Variants in CDH2 observed in about 807,000 individuals in gnomAD.
The protein encoded by CDH2 is cadherin 2, also known as cadherin-2.
A neutral mutation model predicts 92.0 loss-of-function variants in CDH2; 17 were observed. That is an observed-to-expected ratio of 0.18 (90% confidence interval 0.13 to 0.28). CDH2 has a LOEUF of 0.28. CDH2 is among the 10% of genes least tolerant of loss of function. The pLI, the probability that CDH2 is intolerant of heterozygous loss-of-function variation, is 1.00. For missense variants in CDH2, 862 were observed against 1,133.1 expected (o/e 0.76, Z 3.44); for synonymous variants, 419 against 415.9 (o/e 1.01, Z -0.09).
Position 27,951,781 on chromosome 18 carries a change from T to A in CDH2, c.*372A>T, listed in dbSNP as rs199825529. 1 of 180,290 alleles carries A rather than the reference T, an allele frequency of 5.5e-6. No individual in the cohort carries two copies. The highest frequency in any genetic ancestry group is 1.3e-4 in the South Asian group (1 of 7,420). The allele number at this position is 180,290 out of a possible 1,614,324, so 11.2% of individuals were successfully genotyped here. ...CAAATGCAATGTAACAAAAGCGTGT[T>A]GAAGCATATCATGGTTTAACTTACT... On this transcript the variant is annotated 3_prime_UTR_variant, in exon 16 of 16. Coordinates refer to ENST00000269141, the MANE Select transcript of CDH2 (RefSeq NM_001792.5).
At chr18:27,978,401 C>T (rs139984334) in intron 14 of CDH2, among the ~76,000 whole-genome samples, 1 of 152,256 alleles carries the variant, frequency 6.6e-6, no homozygotes, top group East Asian at 1.9e-4. Context: ...ACCCACAAAG[C>T]CGCACACACA....
chr18:28,027,685 T>TAC (rs2013591405), intron 2 of CDH2, among the ~76,000 whole-genome samples: 1 of 152,170 alleles, frequency 6.6e-6, no homozygotes. Flanking sequence ...CTCCCTTGTA[T>TAC]ACATTCTAAT....
intron 2 of CDH2, among the ~76,000 whole-genome samples, chr18:28,115,816 G>A (rs1429877432): frequency 3.3e-5 from 5 of 152,024 alleles, no homozygotes; most frequent in African/African-American, 1.2e-4. Context: ...ATGCTGTTCT[G>A]AATTTTTCAA....
intron 1 of CDH2, among the ~76,000 whole-genome samples, chr18:28,153,480 T>G (rs986778865): frequency 6.6e-6 from 1 of 152,216 alleles, no homozygotes; most frequent in Non-Finnish European, 1.5e-5. Context: ...GCTACTTAGA[T>G]GCTAAAAACA....
intron 2 of CDH2, among the ~76,000 whole-genome samples, chr18:28,137,947 T>C (rs2015891429): frequency 1.3e-5 from 2 of 152,054 alleles, no homozygotes; most frequent in South Asian, 2.1e-4. Context: ...AATTAAAATA[T>C]AGTCTTAACA....
intron 1 of CDH2, among the ~76,000 whole-genome samples, chr18:28,153,025 C>G (rs1453479678): frequency 1.3e-5 from 2 of 152,068 alleles, no homozygotes; most frequent in Non-Finnish European, 2.9e-5. Flanking sequence ...AATTGCAAAA[C>G]TATAATGTCA....
chr18:28,100,808 T>C (rs1290503772), intron 2 of CDH2, among the ~76,000 whole-genome samples: 1 of 152,196 alleles, frequency 6.6e-6, no homozygotes, highest in Non-Finnish European at 1.5e-5. Flanking sequence ...AATAGAATCT[T>C]CACAGTTATT....
At chr18:28,145,061 CAA>C (rs1036956426) in intron 2 of CDH2, among the ~76,000 whole-genome samples, 10 of 151,974 alleles carry the variant, frequency 6.6e-5, no homozygotes, top group African/African-American at 2.4e-4. Context: ...AGCATTTTTG[CAA>C]AGATTATGTT....
At chr18:28,106,473 G>GTTTTTTTTTT (rs34443556) in intron 2 of CDH2, among the ~76,000 whole-genome samples, 1 of 146,788 alleles carries the variant, frequency 6.8e-6, no homozygotes, top group Non-Finnish European at 1.5e-5. Flanking sequence ...ACTTACCAGA[G>GTTTTTTTTTT]TTTTTTTTTT....
chr18:28,164,893 C>G (rs2016356354), intron 1 of CDH2, among the ~76,000 whole-genome samples: 2 of 152,168 alleles, frequency 1.3e-5, no homozygotes, highest in Non-Finnish European at 2.9e-5. Context: ...GCCTAGATAA[C>G]ATCTGTTAAA....
At chr18:28,088,616 C>T (rs1001396677) in intron 2 of CDH2, among the ~76,000 whole-genome samples, 10 of 151,994 alleles carry the variant, frequency 6.6e-5, no homozygotes, top group African/African-American at 1.7e-4. Flanking sequence ...TAAGTCTGTC[C>T]GAGAGGCATC....
intron 2 of CDH2, among the ~76,000 whole-genome samples, chr18:28,046,481 A>G (rs764835433): frequency 1.3e-5 from 2 of 152,194 alleles, no homozygotes; most frequent in Non-Finnish European, 2.9e-5. Context: ...ATTTTTTGGC[A>G]TAAAGTGATG....
chr18:28,158,419 G>A (rs535360239), intron 1 of CDH2, among the ~76,000 whole-genome samples: 18 of 152,298 alleles, frequency 1.2e-4, no homozygotes, highest in African/African-American at 4.1e-4. Flanking sequence ...CAAGGGTGAA[G>A]GACAAGCATT....
In CDH2 at chr18:28,003,147, T is replaced by C; in HGVS notation, c.870A>G (p.Thr290=). 1 of 1,614,004 alleles carries C rather than the reference T, an allele frequency of 6.2e-7. No individual in the cohort carries two copies. Among genetic ancestry groups the C allele is most frequent in the Non-Finnish European group, 8.5e-7 (1 of 1,179,894 alleles). Residue 290 remains threonine, a synonymous_variant, in exon 7 of 16, where the codon ACA becomes ACG. Coordinates refer to ENST00000269141, the MANE Select transcript of CDH2 (RefSeq NM_001792.5). Reference sequence around the variant, plus strand: ...CATTGGGATCGTCAGCATCAATTGCTGTTACGGTCATCACATATGTTCCTA... The same window carrying C: ...CATTGGGATCGTCAGCATCAATTGCCGTTACGGTCATCACATATGTTCCTA... The part of the protein sequence containing the change: ...SKPGTYVMTV[T]AIDADDPNAL...
chr18:27,981,724 A>T (rs941493185), intron 14 of CDH2, among the ~76,000 whole-genome samples: 6 of 152,222 alleles, frequency 3.9e-5, no homozygotes, highest in Admixed American at 3.9e-4. Context: ...CAAGGGAAAA[A>T]TATGTTCATG....
At chr18:28,118,927 G>A (rs536922788) in intron 2 of CDH2, among the ~76,000 whole-genome samples, 1 of 151,942 alleles carries the variant, frequency 6.6e-6, no homozygotes, top group Non-Finnish European at 1.5e-5. Context: ...TCCAAATCCT[G>A]AAAAATCTCT....
intron 2 of CDH2, among the ~76,000 whole-genome samples, chr18:28,074,284 C>T (rs1014511530): frequency 6.6e-6 from 1 of 152,180 alleles, no homozygotes; most frequent in African/African-American, 2.4e-5. Flanking sequence ...ACTCAGCTGT[C>T]ATGACACATG....
chr18:28,105,743 G>C (rs1013371905), intron 2 of CDH2, among the ~76,000 whole-genome samples: 2 of 152,012 alleles, frequency 1.3e-5, no homozygotes, highest in African/African-American at 4.8e-5. Context: ...CCACATCAAT[G>C]TATAGTTCTT....
chr18:27,985,339 C>T (rs2012195410), intron 12 of CDH2, 106 bp from the exon 13 acceptor site: 7 of 788,774 alleles, frequency 8.9e-6, no homozygotes, highest in South Asian at 1.8e-5. Flanking sequence ...ACACATAAAG[C>T]GGATTACAAC....
Sources: allele counts gnomAD v4.1 joint callset (sites outside exome capture counted in the v4.1 genomes callset), GRCh38; gene constraint gnomAD v4.1.1; transcripts MANE v1.5; gene names NCBI Gene and HGNC (gene_info 2026-07-23, HGNC 2026-07-21).